TNPO1: variants seen among roughly 807,000 people sequenced by gnomAD.
TNPO1 encodes transportin-1.
TNPO1 carries 8 observed loss-of-function variants against 119.5 expected under a neutral mutation model. That is an observed-to-expected ratio of 0.07 (90% confidence interval 0.04 to 0.12). The LOEUF (loss-of-function observed/expected upper bound fraction) is 0.12. TNPO1 is among the 10% of genes least tolerant of loss of function. The probability of loss-of-function intolerance (pLI) is 1.00; values close to 1 mark genes in which losing one functional copy is unlikely to be tolerated. For synonymous variants in TNPO1, 362 were observed against 363.0 expected (o/e 1.00, Z 0.03); for missense variants, 576 against 1,089.8 (o/e 0.53, Z 6.64).
At chr5:72,901,920 T>C (rs905920452) in intron 22 of TNPO1, among the ~76,000 whole-genome samples, 2 of 151,890 alleles carry the variant, frequency 1.3e-5, no homozygotes, top group Admixed American at 1.3e-4. Context: ...CTACTTCAGA[T>C]AAAAAATTAG....
rs2112333578 is a variant in TNPO1 at position 72,865,736 on chromosome 5, A to G, written c.596+7A>G. On this transcript the variant is annotated splice_region_variant and intron_variant, in intron 6 of 24. Transcript: ENST00000337273. Reference sequence around the variant, plus strand: ...ATAGTAGTCCAAAAATAAGGTACTTATATTGCCAGTACTAATTGATTAACT... The same window carrying G: ...ATAGTAGTCCAAAAATAAGGTACTTGTATTGCCAGTACTAATTGATTAACT... The G allele has an allele frequency of 6.2e-7, 1 of 1,612,380 alleles. No homozygotes were observed. The highest frequency in any genetic ancestry group is 1.7e-4 in the Middle Eastern group (1 of 6,060).
At chr5:72,849,577 C>G (rs1445615372) in intron 2 of TNPO1, among the ~76,000 whole-genome samples, 1 of 152,206 alleles carries the variant, frequency 6.6e-6, no homozygotes, top group Non-Finnish European at 1.5e-5. Flanking sequence ...AGAAATACTG[C>G]ATTGCCGTAA....
chr5:72,822,832 A>G (rs529113488), intron 1 of TNPO1, among the ~76,000 whole-genome samples: 15 of 150,756 alleles, frequency 9.9e-5, no homozygotes, highest in African/African-American at 2.2e-4. Context: ...ACCTCAGGCA[A>G]TCCGCCCACC....
At chr5:72,903,921 C>T in intron 23 of TNPO1, 138 bp downstream of exon 23, 1 of 536,908 alleles carries the variant, frequency 1.9e-6, no homozygotes, top group South Asian at 3.2e-5. Context: ...AACCTTTATT[C>T]TTGGTAACAA....
rs1425796118 is a variant in TNPO1, at chr5:72,910,520, C to T, written c.*1847C>T. On this transcript the variant is annotated 3_prime_UTR_variant, in exon 25 of 25. Transcript: ENST00000337273. ...CTGCTGGTCAGAGATGAAGCCACGC[C>T]TTTCCATTTTTCAATGCTGCATATT... 2 of 152,596 alleles carry T rather than the reference C, an allele frequency of 1.3e-5. No individual in the cohort carries two copies. The highest frequency in any genetic ancestry group is 2.9e-5 in the Non-Finnish European group (2 of 67,992). 9.5% of individuals were successfully genotyped at this position (152,596 alleles called of 1,614,324 possible). A position where few individuals can be genotyped will look rare whatever the true frequency, so the allele number is the denominator to read the frequency against.
intron 6 of TNPO1, among the ~76,000 whole-genome samples, chr5:72,867,917 A>G (rs192423977): frequency 1.2e-4 from 19 of 152,246 alleles, no homozygotes; most frequent in African/African-American, 4.6e-4. Flanking sequence ...TTGGTGTTTC[A>G]TTATGGTCTT....
At chr5:72,840,815 T>C (rs1360834988) in intron 1 of TNPO1, among the ~76,000 whole-genome samples, 1 of 152,230 alleles carries the variant, frequency 6.6e-6, no homozygotes, top group Non-Finnish European at 1.5e-5. Context: ...CCTTAGTACC[T>C]ATTTTCCATT....
chr5:72,870,386 TC>T (rs1231360570), intron 6 of TNPO1, among the ~76,000 whole-genome samples: 2 of 152,196 alleles, frequency 1.3e-5, no homozygotes, highest in African/African-American at 4.8e-5. Flanking sequence ...GGTCTCCAAC[TC>T]CTGACCTCAG....
chr5:72,839,234 T>A (rs1298109896), intron 1 of TNPO1, among the ~76,000 whole-genome samples: 1 of 152,172 alleles, frequency 6.6e-6, no homozygotes, highest in African/African-American at 2.4e-5. Context: ...CTAATTATTT[T>A]GATTAATTGG....
intron 11 of TNPO1, 66 bp downstream of exon 11, chr5:72,883,298 C>G (rs1748384663): frequency 1.3e-6 from 1 of 762,248 alleles, no homozygotes; most frequent in Non-Finnish European, 2.3e-6. Context: ...TATAATTCAT[C>G]TACTGTACAG....
At chr5:72,903,964 T>C (rs1749960880) in intron 23 of TNPO1, among the ~76,000 whole-genome samples, 181 bp downstream of exon 23, 1 of 152,216 alleles carries the variant, frequency 6.6e-6, no homozygotes. Flanking sequence ...AATACAGCAG[T>C]GACTCTTATC....
At chr5:72,859,151 A>G (rs990809522) in intron 4 of TNPO1, among the ~76,000 whole-genome samples, 24 of 152,274 alleles carry the variant, frequency 1.6e-4, no homozygotes, top group African/African-American at 4.8e-4. Flanking sequence ...TAGTAGTGCA[A>G]GTACTCTGAC....
At chr5:72,851,512 A>G (rs765221315) in intron 3 of TNPO1, among the ~76,000 whole-genome samples, 193 bp downstream of exon 3, 1 of 152,180 alleles carries the variant, frequency 6.6e-6, no homozygotes, top group Non-Finnish European at 1.5e-5. Context: ...ATGTATATAC[A>G]GACAGAGTCT....
intron 16 of TNPO1, 53 bp downstream of exon 16, chr5:72,893,299 A>G: frequency 6.2e-7 from 1 of 1,604,458 alleles, no homozygotes; most frequent in Non-Finnish European, 8.5e-7. Flanking sequence ...ATTTTTCTAA[A>G]GATAGGTATA....
rs138359476 is a variant in TNPO1 at position 72,838,385 on chromosome 5, T to C, written c.16-10000T>C. ...TCCCAGTGTGCTAATTTTTTTTTAA[T>C]TATCAGCTTGGCTTATCAACTGTTT... On this transcript the variant is annotated intron_variant, in intron 1 of 24. Transcript: ENST00000337273. Among the ~76,000 whole-genome samples, 161 of 152,354 alleles carry C rather than the reference T, an allele frequency of 1.1e-3. 2 individuals carry two copies. In the East Asian group the frequency reaches 0.029, roughly 27 times the overall value.
At chr5:72,832,416 C>T (rs1018232187) in intron 1 of TNPO1, among the ~76,000 whole-genome samples, 1 of 151,990 alleles carries the variant, frequency 6.6e-6, no homozygotes, top group Non-Finnish European at 1.5e-5. Flanking sequence ...TATTAGCTTC[C>T]CAGAAAAGTT....
At chr5:72,854,147 TA>T (rs1480993771) in intron 3 of TNPO1, among the ~76,000 whole-genome samples, 1 of 152,260 alleles carries the variant, frequency 6.6e-6, no homozygotes, top group Non-Finnish European at 1.5e-5. Context: ...GTTTATTGCT[TA>T]AAGAAGTTAA....
At chr5:72,868,414 A>G (rs1181098306) in intron 6 of TNPO1, among the ~76,000 whole-genome samples, 1 of 135,012 alleles carries the variant, frequency 7.4e-6, no homozygotes, top group Non-Finnish European at 1.6e-5. Context: ...CCTGGATGAC[A>G]GAGCAAGACT....
intron 1 of TNPO1, among the ~76,000 whole-genome samples, chr5:72,843,621 C>CA (rs1289327811): frequency 6.7e-6 from 1 of 149,982 alleles, no homozygotes. Flanking sequence ...ACCCAAAAAA[C>CA]AAAAAACTAC....
Sources: allele counts gnomAD v4.1 joint callset (sites outside exome capture counted in the v4.1 genomes callset), GRCh38; gene constraint gnomAD v4.1.1; transcripts MANE v1.5; gene names NCBI Gene and HGNC (gene_info 2026-07-23, HGNC 2026-07-21).